Variants in EIF2S3 observed in about 807,000 individuals in gnomAD.
EIF2S3 encodes the protein eukaryotic translation initiation factor 2 subunit gamma, also known as eukaryotic translation initiation factor 2 subunit 3.
In EIF2S3, 2 loss-of-function variants were observed where a neutral mutation model predicts 31.7. The ratio of observed to expected loss-of-function variants is 0.06; its 90% CI spans 0.03 to 0.20. The LOEUF is 0.20. Ranked by LOEUF, EIF2S3 falls within the 10% of genes least tolerant of loss-of-function variation. EIF2S3 has a pLI of 1.00. For missense variants in EIF2S3, 96 were observed against 359.3 expected, an observed-to-expected ratio of 0.27 and a Z score of 5.92; for synonymous variants, 120 against 126.7, an observed-to-expected ratio of 0.95 and a Z score of 0.36.
intron 9 of EIF2S3, among the ~76,000 whole-genome samples, chrX:24,069,503 G>A (rs1569279893): frequency 1.8e-5 from 2 of 109,287 alleles, no homozygotes; most frequent in African/African-American, 6.6e-5. Flanking sequence ...GAGACCAGGA[G>A]TTTGAGACCA....
At chrX:24,069,057 G>A (rs942835711) in intron 9 of EIF2S3, among the ~76,000 whole-genome samples, 2 of 111,197 alleles carry the variant, frequency 1.8e-5, no homozygotes, top group African/African-American at 3.3e-5. Context: ...TTTTAAAAAG[G>A]AAATAAAAGA....
chrX:24,076,925 TC>T lies in EIF2S3; in HGVS notation c.*141del, dbSNP rs376888206. On this transcript the variant is annotated 3_prime_UTR_variant, in exon 12 of 12. Transcript: ENST00000253039. The stretch of plus-strand genomic sequence containing the variant: ...TTAGTAGGTAACGGTAAGGTTATTC[TC>T]TTTTTTTTTTTTTTTTTTTTTGGTT... 14,098 of 163,438 alleles carry T rather than the reference TC, an allele frequency of 0.086. 261 individuals carry two copies. The highest frequency in any genetic ancestry group is 0.1 in the Non-Finnish European group (9,683 of 97,264). The allele number at this position is 163,438 out of a possible 1,213,427, so 13.5% of individuals were successfully genotyped here. A position where few individuals can be genotyped will look rare whatever the true frequency, so the allele number is the denominator to read the frequency against.
chrX:24,077,626 G>T lies in EIF2S3; in HGVS notation c.*841G>T, dbSNP rs1376285359. 9.0e-6 allele frequency: 1 copy of T among 111,244 alleles called. No homozygotes were observed. Among genetic ancestry groups the T allele is most frequent in the Admixed American group, 9.6e-5 (1 of 10,363 alleles). 9.2% of individuals were successfully genotyped at this position (111,244 alleles called of 1,213,427 possible). ...GCATGAAAAGGAAATGAATGGATTC[G>T]AATGAAATTGTCCTTTAGAGCATGA... On this transcript the variant is annotated 3_prime_UTR_variant, in exon 12 of 12. Transcript: ENST00000253039.
intron 7 of EIF2S3, among the ~76,000 whole-genome samples, chrX:24,064,790 TTG>T (rs1440096424): frequency 9.0e-6 from 1 of 111,548 alleles, no homozygotes; most frequent in Non-Finnish European, 1.9e-5. Context: ...GATCGCGCCA[TTG>T]TACTCCAGCC....
At chrX:24,057,601 C>T in intron 3 of EIF2S3, 32 bp from the exon 4 acceptor site, 1 of 1,209,100 alleles carries the variant, frequency 8.3e-7, no homozygotes, top group Non-Finnish European at 1.1e-6. Flanking sequence ...GTGCAGATAA[C>T]AAATCAAAAT....
rs1228674533 is a variant in EIF2S3 at position 24,077,375 on chromosome X, C to G, written c.*590C>G. 1 of 112,279 alleles carries G rather than the reference C, an allele frequency of 8.9e-6. No homozygotes were observed. Among genetic ancestry groups the G allele is most frequent in the African/African-American group, 3.2e-5 (1 of 30,923 alleles). The allele number at this position is 112,279 out of a possible 1,213,427, so 9.3% of individuals were successfully genotyped here. ...GCCACCTTGCCCAGCCCACATCATACAGTTTGAAATGAAACTTTGCCACAA... is the reference window on the plus strand; with the variant it reads ...GCCACCTTGCCCAGCCCACATCATAGAGTTTGAAATGAAACTTTGCCACAA... On this transcript the variant is annotated 3_prime_UTR_variant, in exon 12 of 12. Coordinates refer to ENST00000253039, the MANE Select transcript of EIF2S3 (RefSeq NM_001415.4).
In EIF2S3 at chrX:24,078,392, G is replaced by C. The variant is rs1257331424; in HGVS notation, c.*1607G>C. Among the ~76,000 whole-genome samples, 1 of 109,510 alleles carries C rather than the reference G, an allele frequency of 9.1e-6. No individual in the cohort carries two copies. The highest frequency in any genetic ancestry group is 3.9e-4 in the South Asian group (1 of 2,583). On this transcript the variant is annotated 3_prime_UTR_variant, in exon 12 of 12. Transcript: ENST00000253039. ...GCAGTGATTTGCAACTCTTGCTGAC[G>C]TTGCTGGGGAAGCTTTAAAAAAAAA...
At chrX:24,066,174 G>GA (rs1313441562) in intron 8 of EIF2S3, 82 bp downstream of exon 8, 10 of 698,959 alleles carry the variant, frequency 1.4e-5, no homozygotes, top group Non-Finnish European at 1.8e-5. Context: ...TCTTAATCAG[G>GA]AAAAAAAGTA....
chrX:24,068,809 C>T (rs930766654), intron 9 of EIF2S3, among the ~76,000 whole-genome samples: 64 of 111,257 alleles, frequency 5.8e-4, no homozygotes, highest in Non-Finnish European at 8.5e-4. Flanking sequence ...TGAATGATAT[C>T]AGGTCGTATT....
At chrX:24,065,779 T>TA (rs1254591963) in intron 7 of EIF2S3, among the ~76,000 whole-genome samples, 1 of 111,927 alleles carries the variant, frequency 8.9e-6, no homozygotes, top group African/African-American at 3.2e-5. Context: ...ATAATACTGG[T>TA]ATACCCTATA....
rs1569277244 is a variant in EIF2S3 at position 24,055,677 on chromosome X, A to T, written c.132A>T (p.Ile44=). The change falls in exon 2 of 12, where the codon ATA becomes ATT. Residue 44 remains isoleucine (I), a splice_region_variant and synonymous_variant. Transcript: ENST00000253039. Reference sequence around the variant, plus strand: ...TCAGCAGACAAGCCACAATTAACATAGGTAAGAGTAACTTAAGAGACCTAA... The same window carrying T: ...TCAGCAGACAAGCCACAATTAACATTGGTAAGAGTAACTTAAGAGACCTAA... ...EVISRQATIN[I]GTIGHVAHGK... is the part of the protein sequence containing the mutation. 1 of 1,210,612 alleles carries T rather than the reference A, an allele frequency of 8.3e-7. No individual in the cohort carries two copies. Among genetic ancestry groups the T allele is most frequent in the East Asian group, 3.0e-5 (1 of 33,872 alleles).
intron 11 of EIF2S3, among the ~76,000 whole-genome samples, chrX:24,074,482 G>A (rs1315170870): frequency 3.6e-5 from 4 of 111,599 alleles, no homozygotes; most frequent in East Asian, 2.8e-4. Context: ...TAAGCAATCT[G>A]TAGGGAGATC....
At chrX:24,066,414 A>T (rs138515368) in intron 8 of EIF2S3, among the ~76,000 whole-genome samples, 87 of 110,857 alleles carry the variant, frequency 7.8e-4, no homozygotes, top group African/African-American at 2.7e-3. Context: ...ATTTTACTTA[A>T]CAAAATGGCC....
chrX:24,072,286 G>C (rs776419171), intron 10 of EIF2S3, among the ~76,000 whole-genome samples: 4 of 107,136 alleles, frequency 3.7e-5, no homozygotes, highest in African/African-American at 6.8e-5. Context: ...CCATATTTTT[G>C]TTTTGTTGTT....
intron 11 of EIF2S3, among the ~76,000 whole-genome samples, chrX:24,075,502 TCTTAA>T (rs781571960): frequency 7.1e-5 from 8 of 111,918 alleles, no homozygotes; most frequent in African/African-American, 2.3e-4. Flanking sequence ...CTAGTTTGCC[TCTTAA>T]CTTGGTCAAA....
intron 10 of EIF2S3, 76 bp downstream of exon 10, chrX:24,071,803 G>T: frequency 9.9e-7 from 1 of 1,007,745 alleles, no homozygotes; most frequent in Non-Finnish European, 1.3e-6. Context: ...GAGTTTTATT[G>T]TTTTACAGTT....
chrX:24,057,009 G>T (rs1186150548), intron 2 of EIF2S3, among the ~76,000 whole-genome samples: 1 of 105,722 alleles, frequency 9.5e-6, no homozygotes, highest in African/African-American at 3.3e-5. Context: ...GCAAGTTATG[G>T]CTTTGGCTTT....
chrX:24,060,231 A>G, intron 5 of EIF2S3, 49 bp downstream of exon 5: 2 of 1,072,059 alleles, frequency 1.9e-6, no homozygotes, highest in Non-Finnish European at 2.6e-6. Flanking sequence ...AACAAATCCA[A>G]GATGAAATAT....
chrX:24,069,839 T>TA (rs1440184139), intron 9 of EIF2S3, among the ~76,000 whole-genome samples: 4 of 107,710 alleles, frequency 3.7e-5, no homozygotes, highest in Non-Finnish European at 7.7e-5. Context: ...TATAGGCACA[T>TA]ACCACCACAG....
Sources: allele counts gnomAD v4.1 joint callset (sites outside exome capture counted in the v4.1 genomes callset), GRCh38; gene constraint gnomAD v4.1.1; transcripts MANE v1.5; gene names NCBI Gene and HGNC (gene_info 2026-07-23, HGNC 2026-07-21).